The following ASXL3 variants were observed in gnomAD, a reference collection of about 807,000 sequenced individuals.
ASXL3 encodes the protein ASXL transcriptional regulator 3.
A neutral mutation model predicts 170.6 loss-of-function variants in ASXL3; 34 were observed. That is an observed-to-expected ratio of 0.20 (90% CI 0.15 to 0.27). ASXL3 has a LOEUF of 0.27. Among genes scored for constraint, ASXL3 ranks in the 10% least tolerant of loss-of-function variants. ASXL3 has a pLI of 1.00. For missense variants in ASXL3, 2,592 were observed against 2,695.3 expected (o/e 0.96, Z 0.85); for synonymous variants, 1,002 against 989.1 (o/e 1.01, Z -0.24).
At chr18:33,726,202 G>T (rs1301900720) in intron 8 of ASXL3, among the ~76,000 whole-genome samples, 2 of 152,224 alleles carry the variant, frequency 1.3e-5, no homozygotes, top group East Asian at 1.9e-4. Flanking sequence ...AGCCTTGCCT[G>T]CCCTCTTTCA....
chr18:33,738,911 G>C lies in ASXL3; in HGVS notation c.1507G>C (p.Val503Leu), dbSNP rs1277633528. ...APPEDNLESCVMMNDVLETLP... is the reference protein window; with the variant it reads ...APPEDNLESCLMMNDVLETLP... ...TCCTGAAGATAACTTGGAATCCTGT[G>C]TTATGATGAATGATGTTTTAGAAAC... The change falls in exon 11 of 12, where the codon GTT (valine) becomes CTT (leucine). Residue 503 changes from valine to leucine, a missense_variant. By Grantham distance (32) the Val-to-Leu change is conservative (BLOSUM62 1). This residue lies in a region of ASXL3 where 2,246 missense variants were observed against 2,219.6 expected (regional missense o/e 1.01). Coordinates refer to ENST00000269197, the MANE Select transcript of ASXL3 (RefSeq NM_030632.3). The C allele has an allele frequency of 6.2e-7, 1 of 1,613,562 alleles. No homozygotes were observed. Among genetic ancestry groups the C allele is most frequent in the African/African-American group, 1.3e-5 (1 of 75,026 alleles).
intron 2 of ASXL3, among the ~76,000 whole-genome samples, chr18:33,636,904 G>A (rs2145184324): frequency 1.3e-5 from 2 of 152,218 alleles, no homozygotes; most frequent in South Asian, 4.2e-4. Flanking sequence ...TGAGCATCAT[G>A]TCGGTGCTCA....
chr18:33,737,922 C>G (rs2067575784), intron 10 of ASXL3, among the ~76,000 whole-genome samples: 1 of 152,014 alleles, frequency 6.6e-6, no homozygotes. Flanking sequence ...GAGCATCTTT[C>G]TACTTGCAGA....
At chr18:33,602,232 T>A (rs1171035322) in intron 1 of ASXL3, among the ~76,000 whole-genome samples, 2 of 152,046 alleles carry the variant, frequency 1.3e-5, no homozygotes, top group Non-Finnish European at 2.9e-5. Flanking sequence ...CCCCCTGCCA[T>A]TCTATGGAAA....
chr18:33,687,013 G>A (rs1241810865), intron 8 of ASXL3, among the ~76,000 whole-genome samples: 1 of 152,066 alleles, frequency 6.6e-6, no homozygotes, highest in African/African-American at 2.4e-5. Context: ...TATTGGAGTT[G>A]GAAATGGAAG....
chr18:33,744,461 C>A lies in ASXL3; in HGVS notation c.4613C>A (p.Thr1538Asn). 1.2e-6 allele frequency: 2 copies of A among 1,613,506 alleles called. No homozygotes were observed. Among genetic ancestry groups the A allele is most frequent in the Non-Finnish European group, 1.7e-6 (2 of 1,179,818 alleles). The change falls in exon 12 of 12, where the codon ACT becomes AAT. Residue 1538 changes from threonine to asparagine, a missense_variant. By Grantham distance (65) the Thr-to-Asn change is moderately conservative. Coordinates refer to ENST00000269197, the MANE Select transcript of ASXL3 (RefSeq NM_030632.3). ...VANEGIDHSS[T>N]FIAASAAKQD... ...AACGAAGGTATAGATCACAGTTCCA[C>A]TTTCATTGCTGCTTCGGCAGCAAAA...
At chr18:33,611,169 C>G (rs1031408787) in intron 2 of ASXL3, among the ~76,000 whole-genome samples, 7 of 151,880 alleles carry the variant, frequency 4.6e-5, no homozygotes, top group Admixed American at 4.6e-4. Flanking sequence ...ACATCATGTT[C>G]TGTGTCTCAT....
At chr18:33,651,460 G>A (rs893474728) in intron 4 of ASXL3, among the ~76,000 whole-genome samples, 3 of 152,020 alleles carry the variant, frequency 2.0e-5, no homozygotes, top group Non-Finnish European at 4.4e-5. Flanking sequence ...AAGTTGGAAA[G>A]GAGGGAGAGA....
Position 33,744,636 on chromosome 18 carries a change from C to G in ASXL3, c.4788C>G (p.Thr1596=), listed in dbSNP as rs1568366921. The change falls in exon 12 of 12, where the codon ACC becomes ACG. Residue 1596 remains threonine (T), a synonymous_variant. Coordinates refer to ENST00000269197, the MANE Select transcript of ASXL3 (RefSeq NM_030632.3). The part of the protein sequence containing the change: ...PAPFKSEADT[T]CSNQYNPSNR... Reference sequence around the variant, plus strand: ...CTTTCAAAAGTGAAGCAGACACAACCTGTAGCAATCAGTATAACCCAAGTA... The same window carrying G: ...CTTTCAAAAGTGAAGCAGACACAACGTGTAGCAATCAGTATAACCCAAGTA... The G allele has an allele frequency of 6.2e-7, 1 of 1,606,706 alleles. No individual in the cohort carries two copies. The highest frequency in any genetic ancestry group is 8.5e-7 in the Non-Finnish European group (1 of 1,176,108).
intron 8 of ASXL3, among the ~76,000 whole-genome samples, chr18:33,702,237 T>G (rs2066885314): frequency 6.6e-6 from 1 of 152,198 alleles, no homozygotes; most frequent in South Asian, 2.1e-4. Context: ...GTCTGATTGT[T>G]TTCTAGACTG....
intron 8 of ASXL3, among the ~76,000 whole-genome samples, chr18:33,705,728 T>C (rs926634848): frequency 3.3e-5 from 5 of 151,952 alleles, no homozygotes; most frequent in Non-Finnish European, 7.4e-5. Flanking sequence ...AATCATTCAT[T>C]TATTTTTGTG....
At position 33,740,272 on chromosome 18, in the gene ASXL3, T is replaced by C. The variant is rs1036083820; in HGVS notation, c.2868T>C (p.Ser956=). ...SKSPDGIRNE[S]RDSEISKRKT... ...CACCTGATGGGATAAGAAATGAAAGTAGAGATTCAGAGATATCAAAGAGAA... is the reference window on the plus strand; with the variant it reads ...CACCTGATGGGATAAGAAATGAAAGCAGAGATTCAGAGATATCAAAGAGAA... The change falls in exon 11 of 12, where the codon AGT becomes AGC. Residue 956 remains serine (S), a synonymous_variant. Coordinates refer to ENST00000269197, the MANE Select transcript of ASXL3 (RefSeq NM_030632.3). 5 of 1,612,944 alleles carry C rather than the reference T, an allele frequency of 3.1e-6. No homozygotes were observed. The highest frequency in any genetic ancestry group is 2.7e-5 in the African/African-American group (2 of 74,998).
chr18:33,743,443 T>G lies in ASXL3; in HGVS notation c.3595T>G (p.Ser1199Ala). Residue 1199 changes from serine to alanine, a missense_variant, in exon 12 of 12, where the codon TCT becomes GCT. By Grantham distance (99) the Ser-to-Ala change is moderately conservative. Coordinates refer to ENST00000269197, the MANE Select transcript of ASXL3 (RefSeq NM_030632.3). ...ACTTCCAGAAACTGCCACTGACTTA[T>G]CTGTGCATAGTTCTGATGAAAACAT... ...SKLPETATDL[S>A]VHSSDENIPV... The G allele has an allele frequency of 6.2e-7, 1 of 1,613,618 alleles. No homozygotes were observed. Among genetic ancestry groups the G allele is most frequent in the Non-Finnish European group, 8.5e-7 (1 of 1,179,890 alleles).
At chr18:33,708,831 A>G (rs2067006568) in intron 8 of ASXL3, among the ~76,000 whole-genome samples, 1 of 152,196 alleles carries the variant, frequency 6.6e-6, no homozygotes, top group Non-Finnish European at 1.5e-5. Context: ...TCATGTGGTT[A>G]TATATAATTT....
At position 33,749,343 on chromosome 18, in the gene ASXL3, TGTG is replaced by T. The variant is rs1221788915; in HGVS notation, c.*2752_*2754del. 2.0e-5 allele frequency: 3 copies of T among 152,272 alleles called. No individual in the cohort carries two copies. The highest frequency in any genetic ancestry group is 7.2e-5 in the African/African-American group (3 of 41,554). 9.4% of individuals were successfully genotyped at this position (152,272 alleles called of 1,614,324 possible). On this transcript the variant is annotated 3_prime_UTR_variant, in exon 12 of 12. Transcript: ENST00000269197. Reference sequence around the variant, plus strand: ...AGTATATTATTTACTACATGGTTATTGTGGTGTAGTGTGCAAATGTTAGCATGT... The same window carrying T: ...AGTATATTATTTACTACATGGTTATTGTGTAGTGTGCAAATGTTAGCATGT...
chr18:33,691,700 T>C (rs934104032), intron 8 of ASXL3, among the ~76,000 whole-genome samples: 13 of 152,166 alleles, frequency 8.5e-5, no homozygotes, highest in Admixed American at 8.5e-4. Flanking sequence ...TTGTAGTTTA[T>C]ATATCATGCT....
intron 4 of ASXL3, among the ~76,000 whole-genome samples, chr18:33,658,223 C>T (rs2066113404): frequency 6.6e-6 from 1 of 152,062 alleles, no homozygotes; most frequent in Non-Finnish European, 1.5e-5. Flanking sequence ...TTTCAGAGGC[C>T]AAAGTCAGTC....
intron 2 of ASXL3, among the ~76,000 whole-genome samples, chr18:33,622,217 G>T (rs1027438123): frequency 2.6e-5 from 4 of 152,024 alleles, no homozygotes; most frequent in Non-Finnish European, 4.4e-5. Context: ...ATATAATTCA[G>T]AGCTATCAAA....
intron 8 of ASXL3, among the ~76,000 whole-genome samples, chr18:33,708,500 T>C (rs717948): frequency 0.71 from 107,846 of 152,058 alleles, 39,810 homozygotes; most frequent in East Asian, 0.98. Context: ...GACATGTATA[T>C]AATATTGAGT....
Sources: allele counts gnomAD v4.1 joint callset (sites outside exome capture counted in the v4.1 genomes callset), GRCh38; gene constraint gnomAD v4.1.1; regional missense constraint gnomAD v4.1.1; transcripts MANE v1.5; gene names NCBI Gene and HGNC (gene_info 2026-07-23, HGNC 2026-07-21).